LRRC7: variants seen among roughly 807,000 people sequenced by gnomAD.
LRRC7 encodes leucine-rich repeat-containing protein 7.
In LRRC7, 23 loss-of-function variants were observed where a neutral mutation model predicts 175.7. The ratio of observed to expected loss-of-function variants is 0.13; its 90% CI spans 0.09 to 0.19. LRRC7 has a LOEUF of 0.19. LRRC7 is among the 10% of genes least tolerant of loss of function. LRRC7 has a pLI of 1.00. For missense variants in LRRC7, 1,354 were observed against 1,904.7 expected (o/e 0.71, Z 5.38); for synonymous variants, 685 against 680.9 (o/e 1.01, Z -0.09).
chr1:70,020,700 T>G (rs1287389268), intron 15 of LRRC7: 1 of 165,304 alleles, frequency 6.0e-6, no homozygotes, highest in Non-Finnish European at 1.3e-5. Flanking sequence ...TTTAAAATGC[T>G]TGGTCTAACT....
In LRRC7 at chr1:70,083,793, C is replaced by T. The variant is rs1434729783; in HGVS notation, c.4453-5934C>T. Among the ~76,000 whole-genome samples, 3 of 152,132 alleles carry T rather than the reference C, an allele frequency of 2.0e-5. No homozygotes were observed. The East Asian group carries it at 5.8e-4, about 29-fold the overall frequency. Reference sequence around the variant, plus strand: ...AAACGTCCTTGATTCCCCTTCCTCACAGTCTACACTCAATCCACAGCAATT... The same window carrying T: ...AAACGTCCTTGATTCCCCTTCCTCATAGTCTACACTCAATCCACAGCAATT... On this transcript the variant is annotated intron_variant, in intron 24 of 26. Transcript: ENST00000651989.
intron 2 of LRRC7, among the ~76,000 whole-genome samples, chr1:69,707,105 T>A (rs1424500408): frequency 1.3e-5 from 2 of 152,128 alleles, no homozygotes; most frequent in Non-Finnish European, 2.9e-5. Flanking sequence ...AAAATGATGA[T>A]GATTAATGAG....
At chr1:70,100,650 CT>C (rs1664743318) in intron 25 of LRRC7, among the ~76,000 whole-genome samples, 1 of 152,000 alleles carries the variant, frequency 6.6e-6, no homozygotes, top group African/African-American at 2.4e-5. Context: ...TTTTAGAAGA[CT>C]TTAGTCAGTT....
intron 2 of LRRC7, among the ~76,000 whole-genome samples, chr1:69,699,986 A>T (rs1570412962): frequency 6.6e-6 from 1 of 152,278 alleles, no homozygotes; most frequent in Admixed American, 6.5e-5. Context: ...AGCATCATTG[A>T]CTTCACCCCT....
At chr1:70,024,037 A>G (rs1024620744) in intron 17 of LRRC7, among the ~76,000 whole-genome samples, 1 of 152,114 alleles carries the variant, frequency 6.6e-6, no homozygotes, top group African/African-American at 2.4e-5. Flanking sequence ...CATGTCTTGT[A>G]AACTTTACTA....
intron 4 of LRRC7, among the ~76,000 whole-genome samples, chr1:69,803,771 A>G (rs549795868): frequency 6.6e-6 from 1 of 151,340 alleles, no homozygotes; most frequent in African/African-American, 2.4e-5. Flanking sequence ...AATCTACTTC[A>G]TCATACTGTT....
At chr1:70,047,630 AT>A (rs1176419452) in intron 22 of LRRC7, among the ~76,000 whole-genome samples, 3 of 152,072 alleles carry the variant, frequency 2.0e-5, no homozygotes, top group African/African-American at 7.2e-5. Context: ...ACTCTTCAAG[AT>A]TTTGCAATGT....
intron 2 of LRRC7, among the ~76,000 whole-genome samples, chr1:69,739,616 A>T (rs1668491694): frequency 6.6e-6 from 1 of 152,022 alleles, no homozygotes; most frequent in South Asian, 2.1e-4. Context: ...CATTTTTTTC[A>T]ATTGTTCCGA....
chr1:69,712,235 AACACACACAC>A (rs57948269), intron 2 of LRRC7, among the ~76,000 whole-genome samples: 2 of 150,596 alleles, frequency 1.3e-5, no homozygotes, highest in African/African-American at 2.4e-5. Context: ...TGAGAAAAAG[AACACACACAC>A]ACACACACAC....
chr1:69,590,221 G>T (rs561923379), intron 1 of LRRC7, among the ~76,000 whole-genome samples: 45 of 152,092 alleles, frequency 3.0e-4, no homozygotes, highest in Middle Eastern at 6.8e-3. Flanking sequence ...AAATTTCATT[G>T]TTCTGTGTGG....
intron 1 of LRRC7, among the ~76,000 whole-genome samples, chr1:69,570,430 C>A (rs1014504666): frequency 3.3e-5 from 5 of 151,836 alleles, no homozygotes; most frequent in Admixed American, 6.6e-5. Flanking sequence ...TACCGCCCAC[C>A]CTTCACCCCC....
At chr1:70,071,495 T>C (rs1012672972) in intron 23 of LRRC7, among the ~76,000 whole-genome samples, 19 of 151,678 alleles carry the variant, frequency 1.3e-4, no homozygotes, top group African/African-American at 4.4e-4. Context: ...AAAAAAAAAG[T>C]TGGGGTGCCA....
At chr1:69,644,233 C>T (rs938949358) in intron 1 of LRRC7, among the ~76,000 whole-genome samples, 2 of 129,388 alleles carry the variant, frequency 1.5e-5, no homozygotes, top group Non-Finnish European at 3.4e-5. Flanking sequence ...TAACCTTTTT[C>T]AATTTCCAAG....
chr1:70,119,054 T>G (rs1326427234), intron 26 of LRRC7, among the ~76,000 whole-genome samples: 2 of 152,090 alleles, frequency 1.3e-5, no homozygotes, highest in Non-Finnish European at 2.9e-5. Context: ...GTGCTTTTTT[T>G]TTTGTTTCTT....
chr1:69,568,482 A>C lies in LRRC7; in HGVS notation c.-158A>C. On this transcript the variant is annotated 5_prime_UTR_variant, in exon 1 of 27. Transcript: ENST00000651989. Reference sequence around the variant, plus strand: ...GTGGCACCTTCCTGGATTCCCCTCTATCTCCTGTTCTTCCTACCTTCTACT... The same window carrying C: ...GTGGCACCTTCCTGGATTCCCCTCTCTCTCCTGTTCTTCCTACCTTCTACT... 2.1e-6 allele frequency: 1 copy of C among 486,072 alleles called. No individual in the cohort carries two copies. The highest frequency in any genetic ancestry group is 3.4e-6 in the Non-Finnish European group (1 of 293,982). The allele number at this position is 486,072 out of a possible 1,614,324, so 30.1% of individuals were successfully genotyped here.
intron 26 of LRRC7, among the ~76,000 whole-genome samples, chr1:70,119,489 C>T (rs2102240792): frequency 6.6e-6 from 1 of 151,510 alleles, no homozygotes; most frequent in Non-Finnish European, 1.5e-5. Context: ...AGCACAATGC[C>T]TATGGAAGTG....
intron 8 of LRRC7, among the ~76,000 whole-genome samples, chr1:69,958,588 G>A (rs1650730807): frequency 6.6e-6 from 1 of 152,012 alleles, no homozygotes; most frequent in South Asian, 2.1e-4. Context: ...GGTTGAAAGT[G>A]TATAGGAAAT....
intron 2 of LRRC7, among the ~76,000 whole-genome samples, chr1:69,747,195 G>A (rs1669346978): frequency 6.6e-6 from 1 of 152,134 alleles, no homozygotes; most frequent in Non-Finnish European, 1.5e-5. Context: ...ATGTTGGGAG[G>A]AACAGCATTC....
chr1:69,967,623 A>G (rs1651790603), intron 8 of LRRC7, among the ~76,000 whole-genome samples: 1 of 152,162 alleles, frequency 6.6e-6, no homozygotes, highest in Non-Finnish European at 1.5e-5. Context: ...GGTTCACATT[A>G]TAGGACTCTG....
Sources: gnomAD v4.1 joint callset for allele counts (sites outside exome capture counted in the v4.1 genomes callset) on GRCh38, gnomAD v4.1.1 for gene constraint, MANE v1.5 for transcripts, NCBI Gene and HGNC (gene_info 2026-07-23, HGNC 2026-07-21) for gene names.